The following CSMD2 variants were observed in gnomAD, a reference collection of about 807,000 sequenced individuals.
The protein encoded by CSMD2 is CUB and sushi domain-containing protein 2.
Under a neutral mutation model 398.5 loss-of-function variants are expected in CSMD2, and 130 were observed. The observed-to-expected ratio is 0.33, with a 90% CI of 0.28 to 0.38. The LOEUF (loss-of-function observed/expected upper bound fraction) is 0.38, where lower values mean the gene tolerates loss of function less well. CSMD2 is among the 10% of genes least tolerant of loss of function. CSMD2 has a pLI of 1.00. For synonymous variants in CSMD2, 1,828 were observed against 1,908.5 expected (o/e 0.96, Z 1.10); for missense variants, 3,829 against 4,764.9 (o/e 0.80, Z 5.78).
At chr1:33,870,272 T>C (rs1317443568) in intron 5 of CSMD2, 1 of 152,152 alleles carries the variant, frequency 6.6e-6, no homozygotes, top group Admixed American at 6.5e-5. Flanking sequence ...CATCGTTAAG[T>C]GGCATCTGAT....
At chr1:33,680,573 C>T (rs1382632223) in intron 25 of CSMD2, among the ~76,000 whole-genome samples, 3 of 152,188 alleles carry the variant, frequency 2.0e-5, no homozygotes, top group Non-Finnish European at 4.4e-5. Flanking sequence ...AGAGAAGCCT[C>T]AGACGGTAGC....
intron 25 of CSMD2, among the ~76,000 whole-genome samples, chr1:33,685,332 G>A (rs1030924288): frequency 6.6e-6 from 1 of 152,144 alleles, no homozygotes; most frequent in African/African-American, 2.4e-5. Flanking sequence ...GCTTTAGTCC[G>A]TTTTTCTATT....
chr1:34,123,974 T>C (rs908348806), intron 1 of CSMD2, among the ~76,000 whole-genome samples: 2 of 152,204 alleles, frequency 1.3e-5, no homozygotes, highest in East Asian at 3.9e-4. Context: ...CAGTCCCTTA[T>C]GTGCTTGACA....
chr1:34,145,060 C>T (rs929624319), intron 1 of CSMD2, among the ~76,000 whole-genome samples: 2 of 152,212 alleles, frequency 1.3e-5, no homozygotes, highest in Non-Finnish European at 2.9e-5. Flanking sequence ...CCAACCCCTC[C>T]GCTTGACTGC....
chr1:33,836,338 C>T (rs759621309), intron 6 of CSMD2, among the ~76,000 whole-genome samples: 22 of 152,166 alleles, frequency 1.4e-4, no homozygotes, highest in South Asian at 4.2e-4. Context: ...GCAGTCTGCC[C>T]GCTCTCAGAT....
At chr1:34,161,306 A>G (rs1339123782) in intron 1 of CSMD2, among the ~76,000 whole-genome samples, 1 of 152,276 alleles carries the variant, frequency 6.6e-6, no homozygotes, top group Admixed American at 6.5e-5. Flanking sequence ...CAGGAAGCCA[A>G]TAGATGAATT....
At chr1:33,862,394 T>A (rs1244864454) in intron 5 of CSMD2, 1 of 143,164 alleles carries the variant, frequency 7.0e-6, no homozygotes, top group Non-Finnish European at 1.5e-5. Context: ...TGTGTGTGTG[T>A]GTCTGAGCCT....
At chr1:33,712,435 G>A (rs1229516121) in intron 21 of CSMD2, among the ~76,000 whole-genome samples, 1 of 152,196 alleles carries the variant, frequency 6.6e-6, no homozygotes. Flanking sequence ...TTTGCATGGC[G>A]ACTGGGAGCA....
chr1:34,064,450 A>C (rs1162280611), intron 2 of CSMD2, among the ~76,000 whole-genome samples: 2 of 152,130 alleles, frequency 1.3e-5, no homozygotes, highest in Non-Finnish European at 2.9e-5. Context: ...GGGCGGGGGC[A>C]AAATGTCACC....
intron 3 of CSMD2, among the ~76,000 whole-genome samples, chr1:33,955,138 G>A (rs549744805): frequency 9.2e-5 from 14 of 152,322 alleles, no homozygotes; most frequent in African/African-American, 3.4e-4. Context: ...ATCCCCATCT[G>A]CCTTTCTCCT....
chr1:33,674,198 G>T (rs1307581733), intron 25 of CSMD2, among the ~76,000 whole-genome samples: 1 of 152,174 alleles, frequency 6.6e-6, no homozygotes, highest in East Asian at 1.9e-4. Context: ...TCAGTGTGCT[G>T]TATTCAGGAA....
intron 25 of CSMD2, among the ~76,000 whole-genome samples, chr1:33,688,246 T>C (rs2149085599): frequency 6.6e-6 from 1 of 152,242 alleles, no homozygotes; most frequent in Non-Finnish European, 1.5e-5. Flanking sequence ...CAGGATGAGG[T>C]AGGTCTATAG....
At chr1:33,935,981 G>T (rs371272944) in intron 3 of CSMD2, 27 bp from the exon 4 acceptor site, 26 of 1,583,068 alleles carry the variant, frequency 1.6e-5, no homozygotes, top group Non-Finnish European at 2.1e-5. Context: ...AGAAAGAGAC[G>T]GGTACCCCGT....
intron 3 of CSMD2, among the ~76,000 whole-genome samples, chr1:33,994,915 T>C (rs2148009980): frequency 6.6e-6 from 1 of 152,052 alleles, no homozygotes; most frequent in Admixed American, 6.5e-5. Flanking sequence ...AATACAAAAA[T>C]TAGCTGGGTG....
intron 1 of CSMD2, among the ~76,000 whole-genome samples, chr1:34,098,947 G>A (rs1205543284): frequency 3.3e-5 from 5 of 152,094 alleles, no homozygotes; most frequent in African/African-American, 4.8e-5. Context: ...AAAAATGTTA[G>A]GAGAAAAGTA....
rs1009525107 is a variant in CSMD2 at position 33,636,050 on chromosome 1, C to T, written c.4969+310G>A. 6.6e-6 allele frequency among the ~76,000 whole-genome samples: 1 copy of T among 152,134 alleles called. No individual in the cohort carries two copies. The highest frequency in any genetic ancestry group is 6.5e-5 in the Admixed American group (1 of 15,280). On this transcript the variant is annotated intron_variant, in intron 30 of 70. Coordinates refer to ENST00000373381, the MANE Select transcript of CSMD2 (RefSeq NM_001281956.2). This position sits in a 1 kb window ranked among gnomAD's most constrained non-coding sequence, Gnocchi z 4.8. ...GGCCTAGGAACTAGTCCAGGAGCCA[C>T]CTTTAAATGACTTCTCCCTGGTGTG...
chr1:33,888,665 CTA>C (rs1022681484), intron 5 of CSMD2, among the ~76,000 whole-genome samples: 2 of 151,948 alleles, frequency 1.3e-5, no homozygotes, highest in Non-Finnish European at 2.9e-5. Flanking sequence ...ATAGAGAAGA[CTA>C]TTTCTATAAT....
intron 25 of CSMD2, among the ~76,000 whole-genome samples, chr1:33,684,845 T>TC (rs1374653511): frequency 6.6e-6 from 1 of 152,260 alleles, no homozygotes; most frequent in Non-Finnish European, 1.5e-5. Context: ...CAGACACTTT[T>TC]CTATTGTGTT....
chr1:33,904,577 T>A (rs1046568161), intron 5 of CSMD2, among the ~76,000 whole-genome samples: 26 of 151,634 alleles, frequency 1.7e-4, no homozygotes, highest in African/African-American at 6.3e-4. Context: ...AGATAGATAG[T>A]GGTGTTATCC....
Sources: gnomAD v4.1 joint callset for allele counts (sites outside exome capture counted in the v4.1 genomes callset) on GRCh38, gnomAD v4.1.1 for gene constraint, Gnocchi (gnomAD v3.1) non-coding constraint, MANE v1.5 for transcripts, NCBI Gene and HGNC (gene_info 2026-07-23, HGNC 2026-07-21) for gene names.